The following GMNN variants were observed in gnomAD, a reference collection of about 807,000 sequenced individuals.
GMNN encodes geminin DNA replication inhibitor, also known as geminin.
Under a neutral mutation model 20.9 loss-of-function variants are expected in GMNN, and 14 were observed. That is an observed-to-expected ratio of 0.67 (90% confidence interval 0.44 to 1.05). The LOEUF is 1.05. GMNN is among the 50% of genes least tolerant of loss of function. The pLI, the probability that GMNN is intolerant of heterozygous loss-of-function variation, is 0.00. For missense variants in GMNN, 227 were observed against 243.8 expected, an observed-to-expected ratio of 0.93 and a Z score of 0.46; for synonymous variants, 81 against 85.8, an observed-to-expected ratio of 0.94 and a Z score of 0.31.
At chr6:24,775,745 G>A (rs1346291209) in intron 1 of GMNN, 1 of 152,234 alleles carries the variant, frequency 6.6e-6, no homozygotes. Context: ...AACAAGTAAG[G>A]GTTGCAAGGT....
In GMNN at chr6:24,784,456, A is replaced by G. The variant is rs1194578628; in HGVS notation, c.370A>G (p.Ile124Val). ...TTATGTAATACAGCTTCATAAAGAA[A>G]TTGAACAAAAGGACAATGAAATTGC... is the stretch of plus-strand genomic sequence containing the variant. ...LKENEKLHKE[I>V]EQKDNEIARL... is the part of the protein sequence containing the mutation. Residue 124 changes from isoleucine (I) to valine (V), a missense_variant, in exon 6 of 7, where the codon ATT becomes GTT. Coordinates refer to ENST00000230056, the MANE Select transcript of GMNN (RefSeq NM_015895.5). 1 of 1,520,938 alleles carries G rather than the reference A, an allele frequency of 6.6e-7. No homozygotes were observed. The highest frequency in any genetic ancestry group is 1.7e-4 in the Middle Eastern group (1 of 5,886). 94.2% of individuals were successfully genotyped at this position (1,520,938 alleles called of 1,614,324 possible).
intron 3 of GMNN, 132 bp downstream of exon 3, chr6:24,780,872 T>G: frequency 1.6e-6 from 1 of 611,212 alleles, no homozygotes; most frequent in Non-Finnish European, 3.0e-6. Context: ...CAATTATATA[T>G]TTCCCAAAGA....
rs1245658039 is a variant in GMNN at position 24,775,186 on chromosome 6, C to G, written c.-84C>G. The G allele has an allele frequency of 1.3e-5, 2 of 152,404 alleles. No homozygotes were observed. Among genetic ancestry groups the G allele is most frequent in the Non-Finnish European group, 2.9e-5 (2 of 68,160 alleles). The allele number at this position is 152,404 out of a possible 1,614,324, so 9.4% of individuals were successfully genotyped here. A position where few individuals can be genotyped will look rare whatever the true frequency, so the allele number is the denominator to read the frequency against. On this transcript the variant is annotated 5_prime_UTR_variant, in exon 1 of 7. Transcript: ENST00000230056. ...GCACAGCCTCTAGACGACTCGCTTT[C>G]CCTCCGGCCAACCTCTGAAGCCGCG...
chr6:24,784,462 CA>C lies in GMNN; in HGVS notation c.380del (p.Lys127ArgfsTer8). 1 of 1,543,788 alleles carries C rather than the reference CA, an allele frequency of 6.5e-7. No individual in the cohort carries two copies. The highest frequency in any genetic ancestry group is 9.0e-7 in the Non-Finnish European group (1 of 1,116,288). On this transcript the variant is annotated frameshift_variant, in exon 6 of 7. Transcript: ENST00000230056. LOFTEE classifies it high-confidence loss of function. ...ENEKLHKEIE[Q>X]KDNEIARLKK... The stretch of plus-strand genomic sequence containing the variant: ...AATACAGCTTCATAAAGAAATTGAA[CA>C]AAAGGACAATGAAATTGCCCGCCTG...
At chr6:24,775,611 T>C (rs3756810) in intron 1 of GMNN, 10,939 of 152,292 alleles carry the variant, frequency 0.072, 1,147 homozygotes, top group African/African-American at 0.22. Flanking sequence ...ATTTGGCTCA[T>C]GGAAAGAGGT....
Position 24,777,428 on chromosome 6 carries a change from A to G in GMNN, c.51+131A>G, listed in dbSNP as rs1581425435. ...TGAGTTAGTCAGAGGATGAGTAACA[A>G]TAGAGAACATTTTTAAAAAACTAAT... On this transcript the variant is annotated intron_variant, in intron 2 of 6. Transcript: ENST00000230056. The G allele has an allele frequency of 1.6e-5, 7 of 432,446 alleles. No homozygotes were observed. In the East Asian group the frequency reaches 2.5e-4, roughly 16 times the overall value. 26.8% of individuals were successfully genotyped at this position (432,446 alleles called of 1,614,324 possible). A position where few individuals can be genotyped will look rare whatever the true frequency, so the allele number is the denominator to read the frequency against.
intron 4 of GMNN, among the ~76,000 whole-genome samples, chr6:24,783,867 G>T (rs9467317): frequency 0.072 from 10,916 of 152,052 alleles, 1,141 homozygotes; most frequent in African/African-American, 0.22. Context: ...CTAGGTGGAA[G>T]ATATATACGT....
chr6:24,782,207 T>C (rs1220914124), intron 4 of GMNN, among the ~76,000 whole-genome samples: 4 of 152,148 alleles, frequency 2.6e-5, no homozygotes, highest in African/African-American at 9.7e-5. Flanking sequence ...AATGTTTAGA[T>C]AATGAGTTCG....
intron 4 of GMNN, among the ~76,000 whole-genome samples, chr6:24,782,203 T>C (rs1342822061): frequency 1.3e-5 from 2 of 152,194 alleles, no homozygotes; most frequent in African/African-American, 4.8e-5. Flanking sequence ...GAAAAATGTT[T>C]AGATAATGAG....
At chr6:24,781,660 T>A in intron 4 of GMNN, 39 bp downstream of exon 4, 1 of 1,050,994 alleles carries the variant, frequency 9.5e-7, no homozygotes, top group Non-Finnish European at 1.3e-6. Flanking sequence ...AATTTTAAAT[T>A]ATGATATAAG....
chr6:24,778,946 C>T (rs2113573805), intron 2 of GMNN, among the ~76,000 whole-genome samples: 1 of 152,178 alleles, frequency 6.6e-6, no homozygotes, highest in East Asian at 1.9e-4. Context: ...TAAAGAAAGT[C>T]TTGTGTTTAC....
chr6:24,779,703 A>T (rs1437090549), intron 2 of GMNN, among the ~76,000 whole-genome samples: 1 of 152,214 alleles, frequency 6.6e-6, no homozygotes, highest in Non-Finnish European at 1.5e-5. Context: ...TTGAGTATTC[A>T]CCATTGTTTG....
At chr6:24,776,017 G>A (rs1780059849) in intron 1 of GMNN, among the ~76,000 whole-genome samples, 1 of 152,162 alleles carries the variant, frequency 6.6e-6, no homozygotes, top group East Asian at 1.9e-4. Flanking sequence ...TCTGTTTACT[G>A]GGGCCCGAAC....
intron 2 of GMNN, 47 bp downstream of exon 2, chr6:24,777,344 C>G (rs1780100296): frequency 1.4e-6 from 1 of 701,166 alleles, no homozygotes; most frequent in Admixed American, 3.0e-5. Flanking sequence ...AAGCATGGGG[C>G]TAAAAGTATT....
intron 4 of GMNN, among the ~76,000 whole-genome samples, chr6:24,783,870 A>G (rs532697696): frequency 6.6e-6 from 1 of 152,120 alleles, no homozygotes; most frequent in Non-Finnish European, 1.5e-5. Flanking sequence ...GGTGGAAGAT[A>G]TATACGTATT....
chr6:24,781,977 A>G (rs1033110381), intron 4 of GMNN, among the ~76,000 whole-genome samples: 3 of 152,072 alleles, frequency 2.0e-5, no homozygotes, highest in Admixed American at 6.5e-5. Flanking sequence ...GCTACTCAGG[A>G]GGCTGAGTCA....
intron 4 of GMNN, among the ~76,000 whole-genome samples, chr6:24,783,686 C>T (rs1318818249): frequency 1.3e-5 from 2 of 152,132 alleles, no homozygotes; most frequent in East Asian, 3.9e-4. Context: ...TTATACTATA[C>T]TTATATAGTA....
intron 3 of GMNN, 85 bp downstream of exon 3, chr6:24,780,825 C>T (rs372176732): frequency 1.4e-4 from 100 of 694,426 alleles, no homozygotes; most frequent in Middle Eastern, 4.8e-4. Flanking sequence ...GTCAGAAACA[C>T]GTAAATTGTT....
intron 3 of GMNN, 36 bp downstream of exon 3, chr6:24,780,776 T>A: frequency 1.1e-6 from 1 of 920,522 alleles, no homozygotes. Flanking sequence ...GTACTGGTGA[T>A]ACAGTGTCTA....
Sources: gnomAD v4.1 joint callset for allele counts (sites outside exome capture counted in the v4.1 genomes callset) on GRCh38, gnomAD v4.1.1 for gene constraint, MANE v1.5 for transcripts, NCBI Gene and HGNC (gene_info 2026-07-23, HGNC 2026-07-21) for gene names.